The following TRIM23 variants were observed in gnomAD, a reference collection of about 807,000 sequenced individuals.
TRIM23 encodes tripartite motif containing 23, also known as E3 ubiquitin-protein ligase TRIM23.
Under a neutral mutation model 71.0 loss-of-function variants are expected in TRIM23, and 27 were observed. The ratio of observed to expected loss-of-function variants is 0.38; its 90% CI spans 0.28 to 0.52. TRIM23 has a LOEUF of 0.52. TRIM23 is among the 20% of genes least tolerant of loss of function. The pLI, the probability that TRIM23 is intolerant of heterozygous loss-of-function variation, is 0.84. For synonymous variants in TRIM23, 234 were observed against 238.0 expected, an observed-to-expected ratio of 0.98 and a Z score of 0.16; for missense variants, 482 against 692.3, an observed-to-expected ratio of 0.70 and a Z score of 3.41.
At chr5:65,605,559 A>C (rs1754471900) in intron 6 of TRIM23, among the ~76,000 whole-genome samples, 1 of 152,202 alleles carries the variant, frequency 6.6e-6, no homozygotes, top group Non-Finnish European at 1.5e-5. Context: ...CCAACTGAAT[A>C]CTTATGCATA....
At chr5:65,596,979 A>T in intron 8 of TRIM23, 72 bp downstream of exon 8, 1 of 1,573,694 alleles carries the variant, frequency 6.4e-7, no homozygotes, top group Non-Finnish European at 8.6e-7. Flanking sequence ...GATCAGTATC[A>T]AATAAGACCC....
chr5:65,613,748 T>C (rs925073820), intron 3 of TRIM23: 12 of 1,207,150 alleles, frequency 9.9e-6, no homozygotes, highest in Non-Finnish European at 9.4e-6. Flanking sequence ...CTTTCTCTCA[T>C]TGAGTTTTAC....
rs564658984 is a variant in TRIM23 at position 65,624,122 on chromosome 5, G to A, written c.81+72C>T. 50 of 1,590,788 alleles carry A rather than the reference G, an allele frequency of 3.1e-5. No individual in the cohort carries two copies. In the East Asian group the frequency reaches 1.1e-3, roughly 34 times the overall value. On this transcript the variant is annotated intron_variant, in intron 1 of 10. Coordinates refer to ENST00000231524, the MANE Select transcript of TRIM23 (RefSeq NM_001656.4). ...CACCTATCGAAGCCTGGGCCGCGGC[G>A]ATGCCGCCAGGTCTCCAGGATGAAC...
At chr5:65,600,622 T>TAAAAAAAAAAAAAAAAAAAGAAAAAAA (rs34809421) in intron 7 of TRIM23, among the ~76,000 whole-genome samples, 1 of 102,330 alleles carries the variant, frequency 9.8e-6, no homozygotes. Flanking sequence ...AAAAGCACAG[T>TAAAAAAAAAAAAAAAAAAAGAAAAAAA]AAAAAAAAAA....
chr5:65,611,244 G>A (rs1256673479), intron 4 of TRIM23, among the ~76,000 whole-genome samples: 1 of 152,112 alleles, frequency 6.6e-6, no homozygotes, highest in Non-Finnish European at 1.5e-5. Context: ...TCCGTTTATT[G>A]CTAAACAAAA....
rs771639235 is a variant in TRIM23, at chr5:65,618,126, G to C, written c.211C>G (p.Arg71Gly). The C allele has an allele frequency of 2.5e-6, 4 of 1,613,380 alleles. No individual in the cohort carries two copies. In the East Asian group the frequency reaches 8.9e-5, roughly 36 times the overall value. Residue 71 changes from arginine (R) to glycine (G), a missense_variant, in exon 2 of 11, where the codon CGT (arginine) becomes GGT (glycine). Arg to Gly is a moderately radical substitution (Grantham distance 125). Transcript: ENST00000231524. ...TRLPLHGRAI[R>G]CPFDRQVTDL... ...GTTACTTGTCGATCAAATGGGCAAC[G>C]GATTGCTCTTCCATGAAGAGGTAGG...
intron 9 of TRIM23, among the ~76,000 whole-genome samples, chr5:65,595,873 C>A (rs572284511): frequency 1.3e-5 from 2 of 152,008 alleles, no homozygotes; most frequent in Admixed American, 6.6e-5. Flanking sequence ...ATGTTGGGGT[C>A]TATGAGGCAG....
At chr5:65,623,775 C>T (rs1316813250) in intron 1 of TRIM23, among the ~76,000 whole-genome samples, 1 of 152,190 alleles carries the variant, frequency 6.6e-6, no homozygotes, top group Non-Finnish European at 1.5e-5. Flanking sequence ...GGTTTCCTCC[C>T]TGTAAAATGG....
intron 3 of TRIM23, chr5:65,613,827 T>C (rs922445427): frequency 7.4e-6 from 10 of 1,354,018 alleles, no homozygotes; most frequent in Middle Eastern, 3.9e-4. Context: ...CATAATCTTC[T>C]TCCTCTTTTC....
intron 3 of TRIM23, 133 bp from the exon 4 acceptor site, chr5:65,612,014 G>A: frequency 3.4e-6 from 3 of 875,464 alleles, no homozygotes; most frequent in Non-Finnish European, 5.1e-6. Flanking sequence ...TGGTCATTAA[G>A]AACAAAGGTC....
At chr5:65,608,421 C>A (rs893648542) in intron 6 of TRIM23, among the ~76,000 whole-genome samples, 3 of 152,124 alleles carry the variant, frequency 2.0e-5, no homozygotes, top group Non-Finnish European at 4.4e-5. Flanking sequence ...TAAATGATAA[C>A]CCAAGACTGA....
intron 9 of TRIM23, 115 bp from the exon 10 acceptor site, chr5:65,594,760 T>C: frequency 1.0e-6 from 1 of 988,480 alleles, no homozygotes; most frequent in South Asian, 2.3e-5. Context: ...CTACCATCAT[T>C]ATTTTCACAC....
intron 2 of TRIM23, among the ~76,000 whole-genome samples, chr5:65,616,491 A>G (rs1287222178): frequency 6.6e-6 from 1 of 151,534 alleles, no homozygotes; most frequent in Non-Finnish European, 1.5e-5. Context: ...AAAATACACA[A>G]ATTAGTCAGG....
intron 1 of TRIM23, among the ~76,000 whole-genome samples, chr5:65,619,679 G>A (rs1410647335): frequency 2.0e-5 from 3 of 152,154 alleles, no homozygotes; most frequent in Non-Finnish European, 4.4e-5. Flanking sequence ...GTAAATAAGG[G>A]TTTGGGAAGA....
chr5:65,590,939 A>G lies in TRIM23; in HGVS notation c.*830T>C, dbSNP rs943730517. On this transcript the variant is annotated 3_prime_UTR_variant, in exon 11 of 11. Coordinates refer to ENST00000231524, the MANE Select transcript of TRIM23 (RefSeq NM_001656.4). The stretch of plus-strand genomic sequence containing the variant: ...CTATAGTCATTCCCACAAAGGATGC[A>G]ATATTATATTAGAAAGAAATATTAC... The G allele has an allele frequency of 5.6e-5, 55 of 985,012 alleles. No homozygotes were observed. The highest frequency in any genetic ancestry group is 6.6e-5 in the Non-Finnish European group (55 of 829,620). The allele number at this position is 985,012 out of a possible 1,614,324, so 61.0% of individuals were successfully genotyped here.
At chr5:65,592,925 T>C (rs557770339) in intron 10 of TRIM23, among the ~76,000 whole-genome samples, 4 of 152,358 alleles carry the variant, frequency 2.6e-5, no homozygotes, top group Non-Finnish European at 5.9e-5. Flanking sequence ...TGAAGTTTTA[T>C]GCTTATGTGC....
chr5:65,612,569 AG>A (rs1754681229), intron 3 of TRIM23, among the ~76,000 whole-genome samples: 1 of 152,190 alleles, frequency 6.6e-6, no homozygotes. Context: ...CTGTAATCCC[AG>A]CACTTTAAGA....
At chr5:65,592,386 G>A (rs988006784) in intron 10 of TRIM23, among the ~76,000 whole-genome samples, 7 of 151,798 alleles carry the variant, frequency 4.6e-5, no homozygotes, top group East Asian at 1.9e-4. Flanking sequence ...TACCATGCCC[G>A]GCTAATTTTT....
At chr5:65,595,208 T>C (rs1046495327) in intron 9 of TRIM23, among the ~76,000 whole-genome samples, 5 of 150,974 alleles carry the variant, frequency 3.3e-5, no homozygotes, top group African/African-American at 1.2e-4. Context: ...GCCCAGGAGT[T>C]CGAGACCCCT....
Sources: allele counts gnomAD v4.1 joint callset (sites outside exome capture counted in the v4.1 genomes callset), GRCh38; gene constraint gnomAD v4.1.1; transcripts MANE v1.5; gene names NCBI Gene and HGNC (gene_info 2026-07-23, HGNC 2026-07-21).